CPE: variants seen among roughly 807,000 people sequenced by gnomAD.
The protein encoded by CPE is carboxypeptidase E, also known as carbocypeptidase E.
Under a neutral mutation model 53.5 loss-of-function variants are expected in CPE, and 17 were observed. The observed-to-expected ratio is 0.32, with a 90% confidence interval of 0.22 to 0.48. The LOEUF is 0.48. Among genes scored for constraint, CPE ranks in the 20% least tolerant of loss-of-function variants. CPE has a pLI of 0.99. For synonymous variants in CPE, 226 were observed against 228.8 expected (o/e 0.99, Z 0.11); for missense variants, 524 against 614.7 (o/e 0.85, Z 1.56).
intron 1 of CPE, among the ~76,000 whole-genome samples, chr4:165,436,409 G>A (rs1731502062): frequency 6.6e-6 from 1 of 152,172 alleles, no homozygotes; most frequent in Non-Finnish European, 1.5e-5. Flanking sequence ...AGGCATGACA[G>A]TGTGGGATAG....
At chr4:165,481,302 C>T (rs1225240821) in intron 3 of CPE, among the ~76,000 whole-genome samples, 8 of 152,064 alleles carry the variant, frequency 5.3e-5, no homozygotes, top group African/African-American at 9.7e-5. Flanking sequence ...ATATCCAATA[C>T]GAATGTTGAA....
intron 1 of CPE, among the ~76,000 whole-genome samples, chr4:165,380,366 G>A (rs1730487806): frequency 6.6e-6 from 1 of 152,132 alleles, no homozygotes; most frequent in Admixed American, 6.5e-5. Flanking sequence ...ATAACCATCT[G>A]TATTCGTCTT....
chr4:165,381,568 A>G (rs1369724982), intron 1 of CPE: 1 of 267,364 alleles, frequency 3.7e-6, no homozygotes, highest in Non-Finnish European at 7.5e-6. Flanking sequence ...AGGAGACTCT[A>G]AGTCTATGGT....
At chr4:165,455,389 T>C (rs766293101) in intron 1 of CPE, among the ~76,000 whole-genome samples, 6 of 152,218 alleles carry the variant, frequency 3.9e-5, no homozygotes, top group Non-Finnish European at 5.9e-5. Context: ...CTAAGATAAC[T>C]AGAAGCTAAT....
intron 1 of CPE, among the ~76,000 whole-genome samples, chr4:165,390,789 A>G (rs952248355): frequency 6.6e-6 from 1 of 152,190 alleles, no homozygotes; most frequent in Non-Finnish European, 1.5e-5. Flanking sequence ...TGGAGTGAAC[A>G]TGAGAAACTT....
chr4:165,451,681 G>C (rs1274854538), intron 1 of CPE, among the ~76,000 whole-genome samples: 2 of 151,812 alleles, frequency 1.3e-5, no homozygotes, highest in African/African-American at 2.4e-5. Flanking sequence ...TAGTACAGAC[G>C]GGGTTTCACC....
intron 1 of CPE, among the ~76,000 whole-genome samples, chr4:165,440,897 G>C (rs1179157328): frequency 2.0e-5 from 3 of 152,084 alleles, no homozygotes; most frequent in Non-Finnish European, 4.4e-5. Flanking sequence ...GCAAATGCCG[G>C]TGTGGTATGA....
At chr4:165,451,570 C>A (rs528365128) in intron 1 of CPE, among the ~76,000 whole-genome samples, 1 of 152,282 alleles carries the variant, frequency 6.6e-6, no homozygotes, top group South Asian at 2.1e-4. Context: ...CTGTTCACTG[C>A]AACCTCCACC....
intron 1 of CPE, among the ~76,000 whole-genome samples, chr4:165,423,531 T>C (rs2126674976): frequency 6.6e-6 from 1 of 152,168 alleles, no homozygotes; most frequent in South Asian, 2.1e-4. Flanking sequence ...AAAATTTCCC[T>C]ATGACAAATT....
At chr4:165,464,632 GTATGT>G in intron 2 of CPE, 46 bp downstream of exon 2, 1 of 1,491,488 alleles carries the variant, frequency 6.7e-7, no homozygotes, top group Non-Finnish European at 9.0e-7. Context: ...TTCATTTTCT[GTATGT>G]TTGTACATAC....
At chr4:165,403,544 A>G (rs1433765835) in intron 1 of CPE, among the ~76,000 whole-genome samples, 1 of 152,188 alleles carries the variant, frequency 6.6e-6, no homozygotes, top group African/African-American at 2.4e-5. Context: ...TAATGTGACA[A>G]TGATTTAATT....
intron 1 of CPE, among the ~76,000 whole-genome samples, chr4:165,398,977 T>A (rs530482219): frequency 6.6e-6 from 1 of 152,358 alleles, no homozygotes; most frequent in African/African-American, 2.4e-5. Flanking sequence ...CAACCTATTA[T>A]AACCAATTAA....
chr4:165,392,376 A>G (rs1730697373), intron 1 of CPE, among the ~76,000 whole-genome samples: 1 of 146,392 alleles, frequency 6.8e-6, no homozygotes, highest in Admixed American at 7.0e-5. Context: ...TATATTTACA[A>G]TATATGTATA....
chr4:165,443,942 C>T (rs981682033), intron 1 of CPE, among the ~76,000 whole-genome samples: 2 of 152,132 alleles, frequency 1.3e-5, no homozygotes, highest in Non-Finnish European at 2.9e-5. Flanking sequence ...GAGGACACAG[C>T]CAGAAGGTAC....
At chr4:165,491,483 AT>A (rs1732603382) in intron 6 of CPE, among the ~76,000 whole-genome samples, 1 of 151,792 alleles carries the variant, frequency 6.6e-6, no homozygotes, top group South Asian at 2.1e-4. Flanking sequence ...ACTTTTTCTG[AT>A]TTTTCATCTT....
At chr4:165,487,698 G>A in intron 6 of CPE, 121 bp downstream of exon 6, 2 of 1,098,082 alleles carry the variant, frequency 1.8e-6, no homozygotes, top group South Asian at 1.6e-5. Flanking sequence ...GCCATATTTG[G>A]AAGGCAGGTG....
intron 4 of CPE, among the ~76,000 whole-genome samples, chr4:165,483,605 C>T (rs1732456706): frequency 6.6e-6 from 1 of 152,142 alleles, no homozygotes; most frequent in South Asian, 2.1e-4. Context: ...ACATTTCCAC[C>T]AACACTGGTG....
At chr4:165,396,965 G>A (rs1730777157) in intron 1 of CPE, among the ~76,000 whole-genome samples, 1 of 152,110 alleles carries the variant, frequency 6.6e-6, no homozygotes, top group Admixed American at 6.6e-5. Context: ...GGAGGCTGAG[G>A]CGGGAGGATG....
intron 1 of CPE, among the ~76,000 whole-genome samples, chr4:165,382,013 G>C (rs1171757094): frequency 6.6e-6 from 1 of 152,226 alleles, no homozygotes; most frequent in East Asian, 1.9e-4. Flanking sequence ...CGCTTGCCCT[G>C]AGGGCAATAG....
Sources: gnomAD v4.1 joint callset for allele counts (sites outside exome capture counted in the v4.1 genomes callset) on GRCh38, gnomAD v4.1.1 for gene constraint, MANE v1.5 for transcripts, NCBI Gene and HGNC (gene_info 2026-07-23, HGNC 2026-07-21) for gene names.